ARF1: variants seen among roughly 807,000 people sequenced by gnomAD.
ARF1 encodes ADP-ribosylation factor 1.
ARF1 carries 1 observed loss-of-function variant against 18.0 expected under a neutral mutation model. That is an observed-to-expected ratio of 0.06 (90% CI 0.02 to 0.26). The LOEUF (loss-of-function observed/expected upper bound fraction) is 0.26. Ranked by LOEUF, ARF1 falls within the 10% of genes least tolerant of loss-of-function variation. ARF1 has a pLI of 1.00. For synonymous variants in ARF1, 112 were observed against 96.3 expected (o/e 1.16, Z -0.95); for missense variants, 73 against 247.2 (o/e 0.30, Z 4.73).
rs1170303443 is a variant in ARF1, at chr1:228,098,984, A to G, written c.*971A>G. 2 of 152,674 alleles carry G rather than the reference A, an allele frequency of 1.3e-5. No individual in the cohort carries two copies. The highest frequency in any genetic ancestry group is 4.8e-5 in the African/African-American group (2 of 41,454). The allele number at this position is 152,674 out of a possible 1,614,324, so 9.5% of individuals were successfully genotyped here. On this transcript the variant is annotated 3_prime_UTR_variant, in exon 5 of 5. Transcript: ENST00000272102. ...TGCAAGGGTCCGATTTGCCATCGAAAAAGACAACCTCTACTTTTTTCTTTT... is the reference window on the plus strand; with the variant it reads ...TGCAAGGGTCCGATTTGCCATCGAAGAAGACAACCTCTACTTTTTTCTTTT...
Position 228,097,878 on chromosome 1 carries a change from C to T in ARF1, c.411C>T (p.Ala137=), listed in dbSNP as rs143463838. Residue 137 remains alanine, a synonymous_variant, in exon 5 of 5, where the codon GCC becomes GCT. Transcript: ENST00000272102. This position sits in a 1 kb window ranked among gnomAD's most constrained non-coding sequence, Gnocchi z 8.1. The stretch of plus-strand genomic sequence containing the variant: ...ACCTCCCCAACGCCATGAATGCGGC[C>T]GAGATCACAGACAAGCTGGGGCTGC... ...KQDLPNAMNA[A]EITDKLGLHS... The T allele has an allele frequency of 3.3e-3, 5,404 of 1,614,060 alleles. 16 individuals carry two copies. Among genetic ancestry groups the T allele is most frequent in the Non-Finnish European group, 3.9e-3 (4,574 of 1,179,958 alleles).
chr1:228,097,084 C>G lies in ARF1; in HGVS notation c.-31C>G. 1 of 1,571,824 alleles carries G rather than the reference C, an allele frequency of 6.4e-7. No homozygotes were observed. Among genetic ancestry groups the G allele is most frequent in the Non-Finnish European group, 8.6e-7 (1 of 1,158,464 alleles). On this transcript the variant is annotated 5_prime_UTR_variant, in exon 2 of 5. Transcript: ENST00000272102. The surrounding 1 kb of genome is among the most constrained non-coding windows in gnomAD (Gnocchi z 8.1). ...GAGCACCTTGTCTCTCCAGGTGTCCCTGGCCAGTGTCCTTCCACCTGTCCA... is the reference window on the plus strand; with the variant it reads ...GAGCACCTTGTCTCTCCAGGTGTCCGTGGCCAGTGTCCTTCCACCTGTCCA...
chr1:228,090,114 G>T (rs915534729), intron 1 of ARF1, among the ~76,000 whole-genome samples: 4 of 152,224 alleles, frequency 2.6e-5, no homozygotes, highest in African/African-American at 9.6e-5. Flanking sequence ...GTGGACACTC[G>T]TCCTGCCCTC....
chr1:228,082,815 G>T lies in ARF1; in HGVS notation c.-38+50G>T. 1 of 152,336 alleles carries T rather than the reference G, an allele frequency of 6.6e-6. No homozygotes were observed. The highest frequency in any genetic ancestry group is 2.0e-4 in the South Asian group (1 of 4,960). 9.4% of individuals were successfully genotyped at this position (152,336 alleles called of 1,614,324 possible). On this transcript the variant is annotated intron_variant, in intron 1 of 4. Transcript: ENST00000272102. The surrounding 1 kb of genome is among the most constrained non-coding windows in gnomAD (Gnocchi z 6.1). The stretch of plus-strand genomic sequence containing the variant: ...TGTGGGCCGCAGAGACGTTGGAGCC[G>T]GCGGGGGCTGGGGACTGGCCTCGGG...
At chr1:228,083,959 C>G (rs1181100217) in intron 1 of ARF1, among the ~76,000 whole-genome samples, 2 of 152,196 alleles carry the variant, frequency 1.3e-5, no homozygotes, top group Non-Finnish European at 2.9e-5. Flanking sequence ...AGAGTTGGTG[C>G]CACTGCCCCT....
rs185819366 is a variant in ARF1 at position 228,098,075 on chromosome 1, C to T, written c.*62C>T. 7 of 1,539,854 alleles carry T rather than the reference C, an allele frequency of 4.5e-6. No homozygotes were observed. The highest frequency in any genetic ancestry group is 2.7e-5 in the African/African-American group (2 of 73,410). ...GCTTTACTCTCATGTGGCAAACGTG[C>T]GGCTCGTGGTGTGAGTGCCAGAAGC... On this transcript the variant is annotated 3_prime_UTR_variant, in exon 5 of 5. Coordinates refer to ENST00000272102, the MANE Select transcript of ARF1 (RefSeq NM_001658.4).
chr1:228,095,305 C>G (rs919541760), intron 1 of ARF1, among the ~76,000 whole-genome samples: 2 of 151,976 alleles, frequency 1.3e-5, no homozygotes, highest in African/African-American at 2.4e-5. Flanking sequence ...GGGCGGAGCT[C>G]CAGTTGCTTG....
Position 228,098,028 on chromosome 1 carries a change from C to G in ARF1, c.*15C>G, listed in dbSNP as rs761910680. On this transcript the variant is annotated 3_prime_UTR_variant, in exon 5 of 5. Transcript: ENST00000272102. ...ACCAGAAGTGAACGCGACCCCCCTC[C>G]CTCTCACTCCTCTTGCCCTCTGCTT... 1 of 1,601,818 alleles carries G rather than the reference C, an allele frequency of 6.2e-7. No individual in the cohort carries two copies. Among genetic ancestry groups the G allele is most frequent in the East Asian group, 2.2e-5 (1 of 44,650 alleles).
Position 228,097,526 on chromosome 1 carries a change from C to T in ARF1, c.260-65C>T, listed in dbSNP as rs1305784469. Reference sequence around the variant, plus strand: ...GGGGGCCAGCCCATAGATGGGGCATCGATGCCCATAGATGCGGCAGGGGGG... The same window carrying T: ...GGGGGCCAGCCCATAGATGGGGCATTGATGCCCATAGATGCGGCAGGGGGG... On this transcript the variant is annotated intron_variant, in intron 3 of 4. Transcript: ENST00000272102. This position sits in a 1 kb window ranked among gnomAD's most constrained non-coding sequence, Gnocchi z 8.1. The T allele has an allele frequency of 8.1e-6, 13 of 1,613,610 alleles. No homozygotes were observed. In the East Asian group the frequency reaches 1.6e-4, roughly 19 times the overall value.
rs1200309750 is a variant in ARF1, at chr1:228,089,382, C to A, written c.-38+6617C>A. ...CCCAGGGTCTGTGGGGGGGCATCCC[C>A]GTCTCTTTACATGTCTGACTGACCA... On this transcript the variant is annotated intron_variant, in intron 1 of 4. Transcript: ENST00000272102. This position sits in a 1 kb window ranked among gnomAD's most constrained non-coding sequence, Gnocchi z 4.1. Among the ~76,000 whole-genome samples the A allele has an allele frequency of 6.6e-6, 1 of 152,136 alleles. No individual in the cohort carries two copies. The highest frequency in any genetic ancestry group is 1.5e-5 in the Non-Finnish European group (1 of 68,028).
Position 228,098,026 on chromosome 1 carries a change from TCC to T in ARF1, c.*15_*16del, listed in dbSNP as rs2032810030. ...GAACCAGAAGTGAACGCGACCCCCC[TCC>T]CTCTCACTCCTCTTGCCCTCTGCTT... is the stretch of plus-strand genomic sequence containing the variant. On this transcript the variant is annotated 3_prime_UTR_variant, in exon 5 of 5. Coordinates refer to ENST00000272102, the MANE Select transcript of ARF1 (RefSeq NM_001658.4). 1 of 1,602,220 alleles carries T rather than the reference TCC, an allele frequency of 6.2e-7. No individual in the cohort carries two copies. The highest frequency in any genetic ancestry group is 1.7e-5 in the Admixed American group (1 of 59,420).
intron 1 of ARF1, among the ~76,000 whole-genome samples, chr1:228,095,768 A>T (rs926657334): frequency 6.6e-6 from 1 of 152,002 alleles, no homozygotes; most frequent in Non-Finnish European, 1.5e-5. Flanking sequence ...TGGTGTCTTC[A>T]TTGGTAGTGG....
In ARF1 at chr1:228,098,196, T is replaced by C; in HGVS notation, c.*183T>C. On this transcript the variant is annotated 3_prime_UTR_variant, in exon 5 of 5. Coordinates refer to ENST00000272102, the MANE Select transcript of ARF1 (RefSeq NM_001658.4). ...GCTTTTTATTTAATGTAAATAGTTTTTGTTTCCAATGAGGCAGTTTCTGGT... is the reference window on the plus strand; with the variant it reads ...GCTTTTTATTTAATGTAAATAGTTTCTGTTTCCAATGAGGCAGTTTCTGGT... The C allele has an allele frequency of 1.5e-6, 1 of 678,450 alleles. No homozygotes were observed. The allele number at this position is 678,450 out of a possible 1,614,324, so 42.0% of individuals were successfully genotyped here.
chr1:228,087,400 A>G (rs1314263600), intron 1 of ARF1, among the ~76,000 whole-genome samples: 2 of 152,238 alleles, frequency 1.3e-5, no homozygotes, highest in Admixed American at 6.5e-5. Flanking sequence ...CTCACTCACC[A>G]ATCAAATTTA....
rs746250685 is a variant in ARF1, at chr1:228,098,019, A to AC, written c.*12dup. ...AGCTCCGGAACCAGAAGTGAACGCG[A>AC]CCCCCCTCCCTCTCACTCCTCTTGC... On this transcript the variant is annotated 3_prime_UTR_variant, in exon 5 of 5. Coordinates refer to ENST00000272102, the MANE Select transcript of ARF1 (RefSeq NM_001658.4). 7.6e-5 allele frequency: 122 copies of AC among 1,603,870 alleles called. No homozygotes were observed. Among genetic ancestry groups the AC allele is most frequent in the Middle Eastern group, 1.7e-4 (1 of 6,008 alleles).
At chr1:228,094,821 CAG>C (rs1437265886) in intron 1 of ARF1, among the ~76,000 whole-genome samples, 1 of 152,194 alleles carries the variant, frequency 6.6e-6, no homozygotes, top group East Asian at 1.9e-4. Flanking sequence ...AGCAGTGTTT[CAG>C]AGTCTTCCAT....
At position 228,093,606 on chromosome 1, in the gene ARF1, C is replaced by T. The variant is rs72756221; in HGVS notation, c.-37-3472C>T. On this transcript the variant is annotated intron_variant, in intron 1 of 4. Coordinates refer to ENST00000272102, the MANE Select transcript of ARF1 (RefSeq NM_001658.4). Reference sequence around the variant, plus strand: ...GGGTGGCTTCCCTCCTTTGGGGACTCTTAACGCTTTGGTCTGTTAAAAAAA... The same window carrying T: ...GGGTGGCTTCCCTCCTTTGGGGACTTTTAACGCTTTGGTCTGTTAAAAAAA... 6.3e-5 allele frequency among the ~76,000 whole-genome samples: 9 copies of T among 142,766 alleles called. No individual in the cohort carries two copies. In the South Asian group the frequency reaches 2.1e-3, roughly 33 times the overall value. The allele number at this position is 142,766 out of a possible 152,430, so 93.7% of individuals were successfully genotyped here. A position where few individuals can be genotyped will look rare whatever the true frequency, so the allele number is the denominator to read the frequency against.
intron 1 of ARF1, among the ~76,000 whole-genome samples, chr1:228,086,690 G>A (rs572998039): frequency 6.6e-6 from 1 of 152,074 alleles, no homozygotes; most frequent in Non-Finnish European, 1.5e-5. Flanking sequence ...CTCATACACC[G>A]CCCACTGCAT....
At chr1:228,085,936 G>A (rs1044028340) in intron 1 of ARF1, among the ~76,000 whole-genome samples, 4 of 152,150 alleles carry the variant, frequency 2.6e-5, no homozygotes, top group Admixed American at 2.0e-4. Flanking sequence ...ATGTCTTTTT[G>A]TACCCTAATG....
Sources: gnomAD v4.1 joint callset for allele counts (sites outside exome capture counted in the v4.1 genomes callset) on GRCh38, gnomAD v4.1.1 for gene constraint, Gnocchi (gnomAD v3.1) non-coding constraint, MANE v1.5 for transcripts, NCBI Gene and HGNC (gene_info 2026-07-23, HGNC 2026-07-21) for gene names.